Variants in SLC8A1 observed in about 807,000 individuals in gnomAD.
SLC8A1 encodes the protein sodium/calcium exchanger 1.
A neutral mutation model predicts 68.3 loss-of-function variants in SLC8A1; 18 were observed. That is an observed-to-expected ratio of 0.26 (90% confidence interval 0.18 to 0.39). SLC8A1 has a LOEUF of 0.39. Ranked by LOEUF, SLC8A1 falls within the 10% of genes least tolerant of loss-of-function variation. SLC8A1 has a pLI of 1.00. For missense variants in SLC8A1, 985 were observed against 1,156.7 expected (o/e 0.85, Z 2.15); for synonymous variants, 475 against 415.5 (o/e 1.14, Z -1.74).
chr2:40,108,809 T>C (rs980717170), exon 8 of SLC8A1: 1 of 152,112 alleles, frequency 6.6e-6, no homozygotes, highest in African/African-American at 2.4e-5. Flanking sequence ...GGAAATACAG[T>C]CAAGTATGTG....
intron 2 of SLC8A1, among the ~76,000 whole-genome samples, chr2:40,241,695 T>A (rs181724037): frequency 6.6e-6 from 1 of 152,018 alleles, no homozygotes; most frequent in East Asian, 1.9e-4. Context: ...CTAATCCCAA[T>A]TCAGAGCCTG....
chr2:40,367,744 G>A (rs910766181), intron 2 of SLC8A1, among the ~76,000 whole-genome samples: 3 of 151,942 alleles, frequency 2.0e-5, no homozygotes, highest in Non-Finnish European at 2.9e-5. Context: ...CATGTAGCGA[G>A]ACAATAATAT....
At chr2:40,438,694 G>C (rs541123603) in intron 1 of SLC8A1, among the ~76,000 whole-genome samples, 25 of 152,300 alleles carry the variant, frequency 1.6e-4, no homozygotes, top group African/African-American at 6.0e-4. Flanking sequence ...CAAAGGCATA[G>C]AGCAATGATT....
chr2:40,448,522 A>T (rs1490065899), intron 1 of SLC8A1, among the ~76,000 whole-genome samples: 1 of 152,232 alleles, frequency 6.6e-6, no homozygotes, highest in Non-Finnish European at 1.5e-5. Flanking sequence ...GTTTAAAAAG[A>T]AAAGTGGAAA....
At chr2:40,272,382 C>T (rs2066154952) in intron 2 of SLC8A1, among the ~76,000 whole-genome samples, 1 of 152,214 alleles carries the variant, frequency 6.6e-6, no homozygotes, top group Non-Finnish European at 1.5e-5. Flanking sequence ...GTTCTACCCA[C>T]ACTCCCACTA....
upstream of SLC8A1, among the ~76,000 whole-genome samples, chr2:40,454,799 C>A (rs1331614018): frequency 2.0e-5 from 3 of 152,134 alleles, no homozygotes; most frequent in Non-Finnish European, 4.4e-5. Context: ...AAATGTCATA[C>A]ATGAGTGAGT....
exon 8 of SLC8A1, chr2:40,101,522 A>C (rs999517836): frequency 1.6e-5 from 1 of 61,192 alleles, no homozygotes; most frequent in African/African-American, 3.6e-5. Context: ...AGATAAGCTG[A>C]TTAGAAATCT....
intron 1 of SLC8A1, among the ~76,000 whole-genome samples, chr2:40,435,452 A>G (rs1699206939): frequency 6.6e-6 from 1 of 152,068 alleles, no homozygotes. Flanking sequence ...CTCTACTAAT[A>G]CCTAATTTTC....
chr2:40,163,646 G>A (rs531632451), intron 5 of SLC8A1, among the ~76,000 whole-genome samples: 1 of 152,266 alleles, frequency 6.6e-6, no homozygotes, highest in African/African-American at 2.4e-5. Context: ...TCTAATGATC[G>A]GGGTCTGCCT....
At chr2:40,370,392 G>C (rs1314666381) in intron 2 of SLC8A1, among the ~76,000 whole-genome samples, 1 of 151,956 alleles carries the variant, frequency 6.6e-6, no homozygotes, top group African/African-American at 2.4e-5. Context: ...TATAGCAAAG[G>C]CTCTCTGGTG....
At chr2:40,394,492 G>A (rs1162221259) in intron 2 of SLC8A1, among the ~76,000 whole-genome samples, 2 of 151,830 alleles carry the variant, frequency 1.3e-5, no homozygotes, top group East Asian at 1.9e-4. Flanking sequence ...TTCTGAAACA[G>A]AGCGGTAGCA....
At chr2:40,302,523 CAT>C (rs370351909) in intron 2 of SLC8A1, among the ~76,000 whole-genome samples, 2,364 of 146,750 alleles carry the variant, frequency 0.016, 29 homozygotes, top group Non-Finnish European at 0.022. Flanking sequence ...ACATATATAA[CAT>C]ATATATTTAC....
exon 8 of SLC8A1, chr2:40,103,859 G>A (rs552698102): frequency 1.6e-4 from 25 of 152,296 alleles, no homozygotes; most frequent in African/African-American, 5.5e-4. Flanking sequence ...GGCTTGACAA[G>A]TGCATTGGTG....
intron 1 of SLC8A1, among the ~76,000 whole-genome samples, chr2:40,474,518 C>T (rs920198450): frequency 6.6e-6 from 1 of 152,132 alleles, no homozygotes; most frequent in Non-Finnish European, 1.5e-5. Flanking sequence ...TCAGCTTCCC[C>T]GTTTTCTTCC....
chr2:40,303,882 CT>C lies in SLC8A1; in HGVS notation c.1808+124590del, dbSNP rs564860974. 2.2e-4 allele frequency among the ~76,000 whole-genome samples: 33 copies of C among 152,286 alleles called. No homozygotes were observed. The South Asian group carries it at 6.6e-3, about 31-fold the overall frequency. ...AAGGCCAGTTGCTCTATTAAAGGAG[CT>C]TGTGTTTTCCTCTAACCACCACAGT... On this transcript the variant is annotated intron_variant, in intron 2 of 7. Coordinates refer to ENST00000406785, the Ensembl canonical transcript of SLC8A1.
At chr2:40,388,634 CA>C (rs1684346886) in intron 2 of SLC8A1, among the ~76,000 whole-genome samples, 1 of 152,080 alleles carries the variant, frequency 6.6e-6, no homozygotes, top group African/African-American at 2.4e-5. Context: ...TGGTTTTTGA[CA>C]ATTTTGTTGG....
intron 7 of SLC8A1, among the ~76,000 whole-genome samples, chr2:40,132,693 G>A (rs186178061): frequency 6.6e-6 from 1 of 152,074 alleles, no homozygotes; most frequent in South Asian, 2.1e-4. Context: ...ATAATATAAT[G>A]TTTTGTAGCA....
intron 2 of SLC8A1, among the ~76,000 whole-genome samples, chr2:40,341,169 C>T (rs1017135018): frequency 6.6e-6 from 1 of 152,078 alleles, no homozygotes; most frequent in Non-Finnish European, 1.5e-5. Flanking sequence ...GCTCTCTTTG[C>T]CTTATTTTTT....
chr2:40,374,444 T>G (rs1301437669), intron 2 of SLC8A1, among the ~76,000 whole-genome samples: 8 of 151,936 alleles, frequency 5.3e-5, no homozygotes, highest in Non-Finnish European at 8.8e-5. Context: ...TGGAAAGGAC[T>G]TAAGGCTATT....
Sources: allele counts gnomAD v4.1 joint callset (sites outside exome capture counted in the v4.1 genomes callset), GRCh38; gene constraint gnomAD v4.1.1; transcripts MANE v1.5; gene names NCBI Gene and HGNC (gene_info 2026-07-23, HGNC 2026-07-21).